Variants in CDC42SE2 observed in about 807,000 individuals in gnomAD.
CDC42SE2 encodes CDC42 small effector 2, also known as CDC42 small effector protein 2.
CDC42SE2 carries 3 observed loss-of-function variants against 11.5 expected under a neutral mutation model. The ratio of observed to expected loss-of-function variants is 0.26; its 90% CI spans 0.12 to 0.67. The LOEUF is 0.67. CDC42SE2 is among the 30% of genes least tolerant of loss of function. The pLI is 0.80. For missense variants in CDC42SE2, 82 were observed against 106.8 expected (o/e 0.77, Z 1.02); for synonymous variants, 33 against 34.8 (o/e 0.95, Z 0.18).
At chr5:131,357,076 G>A (rs905618936) in intron 2 of CDC42SE2, among the ~76,000 whole-genome samples, 10 of 152,142 alleles carry the variant, frequency 6.6e-5, no homozygotes, top group Admixed American at 1.3e-4. Context: ...GAGGAAATAA[G>A]TGATACTATT....
chr5:131,278,271 A>G (rs1425839443), intron 1 of CDC42SE2, among the ~76,000 whole-genome samples: 4 of 152,202 alleles, frequency 2.6e-5, no homozygotes, highest in Non-Finnish European at 4.4e-5. Context: ...GATGTGTGCC[A>G]CTGCGCCTGG....
At chr5:131,321,174 T>C (rs1758178988) in intron 2 of CDC42SE2, among the ~76,000 whole-genome samples, 1 of 152,234 alleles carries the variant, frequency 6.6e-6, no homozygotes, top group South Asian at 2.1e-4. Flanking sequence ...TTGGAATTTA[T>C]CTTATGGTTA....
chr5:131,218,334 T>G, the CDC42SE2 span, among the ~76,000 whole-genome samples: 1 of 152,022 alleles, frequency 6.6e-6, no homozygotes, highest in Non-Finnish European at 1.5e-5. Context: ...AAAATAAAAC[T>G]ACAATGCAAT....
At chr5:131,219,076 T>C in the CDC42SE2 span, among the ~76,000 whole-genome samples, 1 of 152,240 alleles carries the variant, frequency 6.6e-6, no homozygotes. Flanking sequence ...GTGGAGGTTA[T>C]GCAATTGTGA....
intron 1 of CDC42SE2, among the ~76,000 whole-genome samples, chr5:131,287,909 T>C (rs1214931971): frequency 6.6e-6 from 1 of 152,162 alleles, no homozygotes; most frequent in African/African-American, 2.4e-5. Flanking sequence ...TTTTTTCTTT[T>C]ATTATTTGAT....
intron 1 of CDC42SE2, among the ~76,000 whole-genome samples, chr5:131,312,547 T>C (rs911238691): frequency 1.3e-5 from 2 of 152,158 alleles, no homozygotes; most frequent in Non-Finnish European, 2.9e-5. Context: ...GCCTGGCTGC[T>C]GCCTTGCAGT....
intron 1 of CDC42SE2, 129 bp from the exon 2 acceptor site, chr5:131,315,842 CTTAGG>C (rs928808415): frequency 6.6e-6 from 1 of 152,120 alleles, no homozygotes; most frequent in African/African-American, 2.4e-5. Flanking sequence ...ATGCAGGTTG[CTTAGG>C]TTAAACATGG....
chr5:131,324,660 G>A (rs1465991747), intron 2 of CDC42SE2, among the ~76,000 whole-genome samples: 1 of 151,834 alleles, frequency 6.6e-6, no homozygotes, highest in Non-Finnish European at 1.5e-5. Flanking sequence ...CTTTGGCATG[G>A]TAGATACTGA....
chr5:131,378,240 G>C (rs1750212282), intron 3 of CDC42SE2, among the ~76,000 whole-genome samples: 2 of 151,916 alleles, frequency 1.3e-5, no homozygotes, highest in Admixed American at 1.3e-4. Flanking sequence ...TACCATAAAA[G>C]GTATTTTCAT....
intron 1 of CDC42SE2, among the ~76,000 whole-genome samples, chr5:131,309,508 T>A (rs961964652): frequency 6.6e-6 from 1 of 151,230 alleles, no homozygotes; most frequent in African/African-American, 2.4e-5. Flanking sequence ...TTGGAATAGT[T>A]TCAGAAGGAA....
intron 1 of CDC42SE2, among the ~76,000 whole-genome samples, chr5:131,274,380 T>G (rs920579866): frequency 3.9e-5 from 6 of 152,202 alleles, no homozygotes; most frequent in African/African-American, 1.4e-4. Flanking sequence ...TTCAAATAAT[T>G]AGCATGAAAA....
intron 3 of CDC42SE2, among the ~76,000 whole-genome samples, chr5:131,381,581 C>T (rs1396057982): frequency 2.6e-5 from 4 of 152,210 alleles, no homozygotes; most frequent in Non-Finnish European, 5.9e-5. Flanking sequence ...CCTCGGCCTC[C>T]CAAAGTGCTG....
At chr5:131,292,898 C>A in intron 1 of CDC42SE2, among the ~76,000 whole-genome samples, 1 of 95,342 alleles carries the variant, frequency 1.0e-5, no homozygotes, top group African/African-American at 4.1e-5. Flanking sequence ...CAGTGCGAGA[C>A]CCTGTCTCAA....
At chr5:131,302,884 C>G (rs1236467232) in intron 1 of CDC42SE2, among the ~76,000 whole-genome samples, 1 of 151,260 alleles carries the variant, frequency 6.6e-6, no homozygotes, top group African/African-American at 2.4e-5. Flanking sequence ...TAGCTTCTTT[C>G]CCCTTTAACG....
the CDC42SE2 span, among the ~76,000 whole-genome samples, chr5:131,236,569 A>G: frequency 1.3e-5 from 2 of 152,118 alleles, no homozygotes; most frequent in African/African-American, 2.4e-5. Flanking sequence ...CTGGGACTAC[A>G]GGAGTGCACC....
At chr5:131,334,380 G>T (rs546345525) in intron 2 of CDC42SE2, among the ~76,000 whole-genome samples, 109 of 152,104 alleles carry the variant, frequency 7.2e-4, no homozygotes, top group Non-Finnish European at 1.3e-3. Flanking sequence ...ATTTTATTGA[G>T]AATTTTTGCA....
intron 2 of CDC42SE2, among the ~76,000 whole-genome samples, chr5:131,257,391 C>G (rs1756686743): frequency 6.6e-6 from 1 of 151,922 alleles, no homozygotes; most frequent in Non-Finnish European, 1.5e-5. Flanking sequence ...GCCACCGTGC[C>G]CGGCCTCATG....
At chr5:131,330,721 A>C (rs1298016113) in intron 2 of CDC42SE2, among the ~76,000 whole-genome samples, 1 of 152,186 alleles carries the variant, frequency 6.6e-6, no homozygotes, top group South Asian at 2.1e-4. Context: ...AGAAAGTACT[A>C]TCTGGGCTGG....
chr5:131,347,820 C>T (rs1245144329), intron 2 of CDC42SE2, among the ~76,000 whole-genome samples: 1 of 152,196 alleles, frequency 6.6e-6, no homozygotes, highest in African/African-American at 2.4e-5. Context: ...TGGGCTTTAT[C>T]CCTGGGATGC....
Sources: gnomAD v4.1 joint callset for allele counts (sites outside exome capture counted in the v4.1 genomes callset) on GRCh38, gnomAD v4.1.1 for gene constraint, MANE v1.5 for transcripts, NCBI Gene and HGNC (gene_info 2026-07-23, HGNC 2026-07-21) for gene names.